Variants in HDAC9 observed in about 807,000 individuals in gnomAD.
HDAC9 encodes the protein histone deacetylase 9.
In HDAC9, 41 loss-of-function variants were observed where a neutral mutation model predicts 139.4. The ratio of observed to expected loss-of-function variants is 0.29; its 90% CI spans 0.23 to 0.38. The LOEUF is 0.38. HDAC9 is among the 10% of genes least tolerant of loss of function. HDAC9 has a pLI of 1.00. For missense variants in HDAC9, 1,147 were observed against 1,297.0 expected, an observed-to-expected ratio of 0.88 and a Z score of 1.78; for synonymous variants, 517 against 476.2, an observed-to-expected ratio of 1.09 and a Z score of -1.12.
chr7:18,253,001 A>G (rs1795017045), intron 2 of HDAC9, among the ~76,000 whole-genome samples: 1 of 152,238 alleles, frequency 6.6e-6, no homozygotes, highest in Non-Finnish European at 1.5e-5. Context: ...AAGTGAGAAC[A>G]TACAATAATT....
At chr7:18,510,758 A>G (rs191004492) in intron 2 of HDAC9, among the ~76,000 whole-genome samples, 84 of 152,316 alleles carry the variant, frequency 5.5e-4, no homozygotes, top group Non-Finnish European at 9.9e-4. Context: ...ATAGTGAGAT[A>G]TTAAGGAAAT....
chr7:18,954,100 TAA>T (rs901908368), intron 23 of HDAC9, 44 bp from the exon 24 acceptor site: 1 of 1,313,506 alleles, frequency 7.6e-7, no homozygotes, highest in African/African-American at 1.5e-5. Context: ...AGACTTACTA[TAA>T]AGTCATAATA....
chr7:18,577,028 T>G (rs1370646882), intron 2 of HDAC9, among the ~76,000 whole-genome samples: 3 of 152,230 alleles, frequency 2.0e-5, no homozygotes, highest in Admixed American at 2.0e-4. Context: ...CCTTCATGCC[T>G]TTATTCTACT....
intron 2 of HDAC9, among the ~76,000 whole-genome samples, chr7:18,277,131 T>C (rs1246296973): frequency 6.6e-6 from 1 of 152,124 alleles, no homozygotes; most frequent in Non-Finnish European, 1.5e-5. Flanking sequence ...CAAAGCTAGA[T>C]GAATGAGCGT....
At chr7:18,718,720 G>C (rs1312446890) in intron 12 of HDAC9, among the ~76,000 whole-genome samples, 1 of 152,128 alleles carries the variant, frequency 6.6e-6, no homozygotes, top group Non-Finnish European at 1.5e-5. Flanking sequence ...CACGAATAGT[G>C]CTGCTATGAA....
At chr7:18,692,388 G>T (rs1026730818) in intron 12 of HDAC9, among the ~76,000 whole-genome samples, 1 of 152,000 alleles carries the variant, frequency 6.6e-6, no homozygotes, top group Non-Finnish European at 1.5e-5. Context: ...TTAAAAAAAT[G>T]ACCATGACAT....
intron 2 of HDAC9, among the ~76,000 whole-genome samples, chr7:18,189,398 C>T (rs1790165478): frequency 6.6e-6 from 1 of 152,036 alleles, no homozygotes; most frequent in African/African-American, 2.4e-5. Flanking sequence ...TGCAGCAAAC[C>T]ACCATGGCAC....
chr7:18,852,543 A>G (rs948087266), intron 21 of HDAC9, among the ~76,000 whole-genome samples: 2 of 152,228 alleles, frequency 1.3e-5, no homozygotes, highest in Non-Finnish European at 2.9e-5. Flanking sequence ...GAAAAGGTCC[A>G]TGTGAGTGAG....
intron 1 of HDAC9, among the ~76,000 whole-genome samples, chr7:18,148,597 C>G (rs1208590062): frequency 6.6e-6 from 1 of 152,180 alleles, no homozygotes; most frequent in Non-Finnish European, 1.5e-5. Context: ...GCTGGGATTA[C>G]AGGCGCTCGC....
chr7:18,757,091 T>G (rs1192060500), intron 14 of HDAC9, among the ~76,000 whole-genome samples: 1 of 152,152 alleles, frequency 6.6e-6, no homozygotes, highest in African/African-American at 2.4e-5. Flanking sequence ...GAAAGACAGA[T>G]AGATAAAAAA....
intron 1 of HDAC9, among the ~76,000 whole-genome samples, chr7:18,094,439 C>CTT (rs762146571): frequency 2.1e-4 from 29 of 135,972 alleles, no homozygotes; most frequent in African/African-American, 6.0e-4. Context: ...GTTACCTTTA[C>CTT]TTTTTTTTTT....
intron 1 of HDAC9, among the ~76,000 whole-genome samples, chr7:18,410,116 C>G (rs191510975): frequency 7.2e-5 from 11 of 151,978 alleles, no homozygotes; most frequent in Non-Finnish European, 1.5e-4. Flanking sequence ...TTTCTTCACT[C>G]TCTTGGTAAA....
chr7:18,554,064 T>C (rs575411232), intron 2 of HDAC9, among the ~76,000 whole-genome samples: 1 of 152,308 alleles, frequency 6.6e-6, no homozygotes, highest in African/African-American at 2.4e-5. Flanking sequence ...AGTAGCACCG[T>C]TAGTTACTGT....
chr7:18,230,341 G>A (rs1793365937), intron 2 of HDAC9, among the ~76,000 whole-genome samples: 1 of 152,214 alleles, frequency 6.6e-6, no homozygotes, highest in Non-Finnish European at 1.5e-5. Context: ...TGAACCAAGT[G>A]TGGGGCTCTT....
intron 8 of HDAC9, among the ~76,000 whole-genome samples, chr7:18,641,286 C>G (rs1785516763): frequency 2.0e-5 from 3 of 152,018 alleles, no homozygotes; most frequent in African/African-American, 7.2e-5. Context: ...TTTTGAAGAG[C>G]CTTAGTAAAA....
At chr7:18,222,838 C>A (rs1792798834) in intron 2 of HDAC9, among the ~76,000 whole-genome samples, 1 of 152,074 alleles carries the variant, frequency 6.6e-6, no homozygotes, top group Non-Finnish European at 1.5e-5. Context: ...AGAAATACCT[C>A]TTTTGTATGT....
chr7:18,737,182 C>G (rs1286840545), intron 13 of HDAC9, among the ~76,000 whole-genome samples: 1 of 152,112 alleles, frequency 6.6e-6, no homozygotes, highest in Non-Finnish European at 1.5e-5. Flanking sequence ...TTTCAAAAAA[C>G]CAGCTCCTGG....
chr7:18,838,413 C>CG (rs564843143), intron 21 of HDAC9, among the ~76,000 whole-genome samples: 124 of 151,968 alleles, frequency 8.2e-4, no homozygotes, highest in African/African-American at 2.8e-3. Context: ...GAGTTGGAGT[C>CG]GGGGGTATTC....
At chr7:18,382,079 C>G (rs758133359) in intron 1 of HDAC9, among the ~76,000 whole-genome samples, 1 of 151,982 alleles carries the variant, frequency 6.6e-6, no homozygotes, top group African/African-American at 2.4e-5. Flanking sequence ...TCCACTCAAA[C>G]AGTAAATCAT....
Sources: allele counts gnomAD v4.1 joint callset (sites outside exome capture counted in the v4.1 genomes callset), GRCh38; gene constraint gnomAD v4.1.1; transcripts MANE v1.5; gene names NCBI Gene and HGNC (gene_info 2026-07-23, HGNC 2026-07-21).